The following FBLN1 variants were observed in gnomAD, a reference collection of about 807,000 sequenced individuals.
FBLN1 encodes fibulin 1, also known as fibulin-1.
A neutral mutation model predicts 89.7 loss-of-function variants in FBLN1; 34 were observed. The ratio of observed to expected loss-of-function variants is 0.38; its 90% CI spans 0.29 to 0.50. The LOEUF (loss-of-function observed/expected upper bound fraction) is 0.50, where lower values mean the gene tolerates loss of function less well. FBLN1 is among the 20% of genes least tolerant of loss of function. FBLN1 has a pLI of 0.92. For missense variants in FBLN1, 777 were observed against 988.1 expected (o/e 0.79, Z 2.86); for synonymous variants, 393 against 391.3 (o/e 1.00, Z -0.05).
At chr22:45,587,072 T>C (rs1401787398) in intron 16 of FBLN1, among the ~76,000 whole-genome samples, 1 of 152,122 alleles carries the variant, frequency 6.6e-6, no homozygotes, top group Non-Finnish European at 1.5e-5. Flanking sequence ...ATGTTGTCAA[T>C]GGGATGTGAG....
At chr22:45,594,408 C>G (rs990168365) in intron 16 of FBLN1, among the ~76,000 whole-genome samples, 8 of 152,204 alleles carry the variant, frequency 5.3e-5, no homozygotes, top group Non-Finnish European at 8.8e-5. Context: ...TGACACCGTT[C>G]CCAGAACCGG....
intron 16 of FBLN1, among the ~76,000 whole-genome samples, chr22:45,589,986 C>T (rs2089122437): frequency 6.6e-6 from 1 of 152,220 alleles, no homozygotes; most frequent in South Asian, 2.1e-4. Context: ...ATTTGCTTAC[C>T]TTTATCAGCC....
At chr22:45,546,361 T>A (rs529676648) in intron 11 of FBLN1, among the ~76,000 whole-genome samples, 2 of 152,092 alleles carry the variant, frequency 1.3e-5, no homozygotes, top group Non-Finnish European at 2.9e-5. Flanking sequence ...TGACTACAGG[T>A]GCGTGCCACC....
chr22:45,533,890 G>GC lies in FBLN1; in HGVS notation c.777dup (p.Cys260LeufsTer5). 2.5e-6 allele frequency: 4 copies of GC among 1,614,066 alleles called. No homozygotes were observed. The highest frequency in any genetic ancestry group is 3.4e-6 in the Non-Finnish European group (4 of 1,180,008). ...GGCTATGAGCTCACAGAGGACAATA[G>GC]CTGCAAAGGTACAGCATGCGCTCCG... On this transcript the variant is annotated frameshift_variant, in exon 7 of 17. Coordinates refer to ENST00000327858, the MANE Select transcript of FBLN1 (RefSeq NM_006486.3). LOFTEE classifies it high-confidence loss of function.
intron 1 of FBLN1, 138 bp from the exon 2 acceptor site, chr22:45,518,544 G>C: frequency 1.5e-6 from 1 of 681,646 alleles, no homozygotes; most frequent in Non-Finnish European, 2.6e-6. Flanking sequence ...CTGGTTTGCA[G>C]AGTGACTAAG....
chr22:45,558,158 A>G (rs2088812045), intron 14 of FBLN1: 1 of 711,174 alleles, frequency 1.4e-6, no homozygotes, highest in Non-Finnish European at 2.6e-6. Context: ...CGGGCATTTG[A>G]GCCACTTCCT....
At position 45,600,737 on chromosome 22, in the gene FBLN1, C is replaced by A; in HGVS notation, c.*291C>A. ...CCTCTGGCTGGGCCTTGCTAAGGGC[C>A]AAGGAAAGAAAGACATTTTTTAGGG... On this transcript the variant is annotated 3_prime_UTR_variant, in exon 17 of 17. Coordinates refer to ENST00000327858, the MANE Select transcript of FBLN1 (RefSeq NM_006486.3). 2 of 451,182 alleles carry A rather than the reference C, an allele frequency of 4.4e-6. No individual in the cohort carries two copies. Among genetic ancestry groups the A allele is most frequent in the South Asian group, 2.2e-5 (1 of 44,556 alleles). 27.9% of individuals were successfully genotyped at this position (451,182 alleles called of 1,614,324 possible).
chr22:45,510,238 AAGAC>A (rs1569232327), intron 1 of FBLN1, among the ~76,000 whole-genome samples: 2 of 152,142 alleles, frequency 1.3e-5, no homozygotes, highest in Admixed American at 1.3e-4. Flanking sequence ...CTCACAATAA[AAGAC>A]AGTATTGTAG....
At chr22:45,526,532 C>T (rs1055503671) in intron 3 of FBLN1, among the ~76,000 whole-genome samples, 1 of 132,888 alleles carries the variant, frequency 7.5e-6, no homozygotes, top group East Asian at 2.3e-4. Flanking sequence ...AAAATGCATT[C>T]CCTGGAAGAA....
At chr22:45,552,391 C>T (rs1332606203) in intron 14 of FBLN1, among the ~76,000 whole-genome samples, 1 of 152,228 alleles carries the variant, frequency 6.6e-6, no homozygotes, top group African/African-American at 2.4e-5. Flanking sequence ...TGCTGGGCGC[C>T]TGGCTTGTTC....
intron 2 of FBLN1, 29 bp from the exon 3 acceptor site, chr22:45,525,514 C>T: frequency 6.5e-7 from 1 of 1,548,486 alleles, no homozygotes; most frequent in Non-Finnish European, 8.7e-7. Flanking sequence ...GCGCACAGAG[C>T]CTTGGCCCAG....
intron 2 of FBLN1, among the ~76,000 whole-genome samples, chr22:45,524,287 G>T (rs1877228903): frequency 6.6e-6 from 1 of 152,222 alleles, no homozygotes; most frequent in Non-Finnish European, 1.5e-5. Context: ...GCCCTTGCTG[G>T]CTTTGGCTGG....
At chr22:45,529,348 C>T (rs945007178) in intron 4 of FBLN1, among the ~76,000 whole-genome samples, 2 of 152,270 alleles carry the variant, frequency 1.3e-5, no homozygotes, top group Admixed American at 1.3e-4. Flanking sequence ...CAGCTGTGTG[C>T]CCCCCCGTTC....
In FBLN1 at chr22:45,574,727, A is replaced by G; in HGVS notation, c.1840+74A>G. On this transcript the variant is annotated intron_variant, in intron 15 of 16. Coordinates refer to ENST00000327858, the MANE Select transcript of FBLN1 (RefSeq NM_006486.3). This position sits in a 1 kb window ranked among gnomAD's most constrained non-coding sequence, Gnocchi z 4.1. ...GGCTTCAGCTGAGGGCTTGGCCTAC[A>G]GGAGTTGTTCCTTGTAAGATGTGGC... 5 of 1,333,744 alleles carry G rather than the reference A, an allele frequency of 3.7e-6. No individual in the cohort carries two copies. The highest frequency in any genetic ancestry group is 5.3e-6 in the Non-Finnish European group (5 of 947,756). 82.6% of individuals were successfully genotyped at this position (1,333,744 alleles called of 1,614,324 possible). A position where few individuals can be genotyped will look rare whatever the true frequency, so the allele number is the denominator to read the frequency against.
rs2088404824 is a variant in FBLN1 at position 45,531,358 on chromosome 22, T to C, written c.544+34T>C. 1 of 1,598,988 alleles carries C rather than the reference T, an allele frequency of 6.3e-7. No individual in the cohort carries two copies. ...CGGGCGTCTCCCATCAGTTGGTATT[T>C]AAACAAACCCCAAGGGGCCAGCAAG... On this transcript the variant is annotated intron_variant, in intron 5 of 16. Transcript: ENST00000327858. The surrounding 1 kb of genome is among the most constrained non-coding windows in gnomAD (Gnocchi z 4.9).
intron 14 of FBLN1, among the ~76,000 whole-genome samples, chr22:45,567,432 A>G (rs758733412): frequency 6.6e-6 from 1 of 152,190 alleles, no homozygotes; most frequent in African/African-American, 2.4e-5. Context: ...CCTGGCCAAC[A>G]TGATGAAACC....
At position 45,600,370 on chromosome 22, in the gene FBLN1, A is replaced by G. The variant is rs1920924984; in HGVS notation, c.2036A>G (p.Asn679Ser). 6.2e-7 allele frequency: 1 copy of G among 1,614,122 alleles called. No individual in the cohort carries two copies. The change falls in exon 17 of 17, where the codon AAC becomes AGC. Residue 679 changes from asparagine (N) to serine (S), a missense_variant. Asn to Ser is a conservative substitution (Grantham distance 46). Coordinates refer to ENST00000327858, the MANE Select transcript of FBLN1 (RefSeq NM_006486.3). ...PFHAVLKLEMNYVVGGVVSHR... is the reference protein window; with the variant it reads ...PFHAVLKLEMSYVVGGVVSHR... The stretch of plus-strand genomic sequence containing the variant: ...CATGCCGTCCTGAAGCTGGAGATGA[A>G]CTATGTGGTCGGGGGCGTGGTCTCC...
intron 14 of FBLN1, chr22:45,564,891 T>C: frequency 6.2e-7 from 1 of 1,613,826 alleles, no homozygotes; most frequent in Non-Finnish European, 8.5e-7. Context: ...CAGGCAGAAA[T>C]CCAAGAAGGG....
intron 14 of FBLN1, chr22:45,565,176 C>T: frequency 1.9e-6 from 3 of 1,549,992 alleles, no homozygotes; most frequent in Non-Finnish European, 2.6e-6. Flanking sequence ...CTCCAAGATG[C>T]AGCCCAGGAG....
Sources: gnomAD v4.1 joint callset for allele counts (sites outside exome capture counted in the v4.1 genomes callset) on GRCh38, gnomAD v4.1.1 for gene constraint, Gnocchi (gnomAD v3.1) non-coding constraint, MANE v1.5 for transcripts, NCBI Gene and HGNC (gene_info 2026-07-23, HGNC 2026-07-21) for gene names.